The following PRDM16 variants were observed in gnomAD, a reference collection of about 807,000 sequenced individuals.
PRDM16 encodes the protein histone-lysine N-methyltransferase PRDM16.
A neutral mutation model predicts 110.6 loss-of-function variants in PRDM16; 23 were observed. The ratio of observed to expected loss-of-function variants is 0.21; its 90% CI spans 0.15 to 0.29. The LOEUF (loss-of-function observed/expected upper bound fraction) is 0.29. PRDM16 is among the 10% of genes least tolerant of loss of function. The probability of loss-of-function intolerance (pLI) is 1.00; values close to 1 mark genes in which losing one functional copy is unlikely to be tolerated. For missense variants in PRDM16, 1,615 were observed against 1,794.3 expected, an observed-to-expected ratio of 0.90 and a Z score of 1.81; for synonymous variants, 799 against 781.8, an observed-to-expected ratio of 1.02 and a Z score of -0.37.
chr1:3,221,261 G>C (rs1439625005), intron 2 of PRDM16, among the ~76,000 whole-genome samples: 1 of 152,252 alleles, frequency 6.6e-6, no homozygotes, highest in Admixed American at 6.5e-5. Context: ...GAGAGCAGAA[G>C]ACTGGACTCT....
intron 2 of PRDM16, among the ~76,000 whole-genome samples, chr1:3,186,943 G>T (rs1644276080): frequency 6.6e-6 from 1 of 152,202 alleles, no homozygotes; most frequent in Non-Finnish European, 1.5e-5. Context: ...TCAGCCAGTG[G>T]CCTAAGAGCA....
chr1:3,276,845 C>A (rs1423061986), intron 3 of PRDM16, among the ~76,000 whole-genome samples: 1 of 152,216 alleles, frequency 6.6e-6, no homozygotes, highest in African/African-American at 2.4e-5. Flanking sequence ...GACCCTGAGG[C>A]CAACCTAGTG....
chr1:3,286,514 A>G (rs1263944113), intron 3 of PRDM16, among the ~76,000 whole-genome samples: 8 of 151,962 alleles, frequency 5.3e-5, no homozygotes, highest in Non-Finnish European at 1.0e-4. Flanking sequence ...CTCCTCACCA[A>G]CTGGACCCAA....
Position 3,255,878 on chromosome 1 carries a change from G to A in PRDM16, c.438+11741G>A, listed in dbSNP as rs958010473. Reference sequence around the variant, plus strand: ...GACACCCGAAGCCAACCCCGTGGCCGCACTGACACCCGAAGCCAACCCCGT... The same window carrying A: ...GACACCCGAAGCCAACCCCGTGGCCACACTGACACCCGAAGCCAACCCCGT... On this transcript the variant is annotated intron_variant, in intron 3 of 16. Coordinates refer to ENST00000270722, the MANE Select transcript of PRDM16 (RefSeq NM_022114.4). This position sits in a 1 kb window ranked among gnomAD's most constrained non-coding sequence, Gnocchi z 4.7. Among the ~76,000 whole-genome samples the A allele has an allele frequency of 6.8e-6, 1 of 147,420 alleles. No individual in the cohort carries two copies. Among genetic ancestry groups the A allele is most frequent in the African/African-American group, 2.5e-5 (1 of 39,778 alleles).
chr1:3,244,102 G>C lies in PRDM16; in HGVS notation c.403G>C (p.Val135Leu), dbSNP rs372159539. The C allele has an allele frequency of 3.1e-6, 5 of 1,613,972 alleles. No individual in the cohort carries two copies. Among genetic ancestry groups the C allele is most frequent in the Non-Finnish European group, 4.2e-6 (5 of 1,180,008 alleles). The change falls in exon 3 of 17, where the codon GTG (valine) becomes CTG (leucine). Residue 135 changes from valine (V) to leucine (L), a missense_variant. Val to Leu is a conservative substitution (Grantham distance 32). Coordinates refer to ENST00000270722, the MANE Select transcript of PRDM16 (RefSeq NM_022114.4). This position sits in a 1 kb window ranked among gnomAD's most constrained non-coding sequence, Gnocchi z 4.1. ...TGTTTTGCAGCAAATACTGACGGAC[G>C]TGGAAGTGTCGCCCCAGGAAGGCTG... Reference protein sequence around the residue: ...DFGWEQILTDVEVSPQEGCIT... With the variant: ...DFGWEQILTDLEVSPQEGCIT...
At chr1:3,210,724 T>C (rs943397820) in intron 2 of PRDM16, among the ~76,000 whole-genome samples, 3 of 152,242 alleles carry the variant, frequency 2.0e-5, no homozygotes, top group African/African-American at 4.8e-5. Flanking sequence ...TCACAAGATA[T>C]ACATCCACTT....
chr1:3,129,966 AAGCGTTGATGGGCCAAGGCGACC>A (rs1481954167), intron 1 of PRDM16, among the ~76,000 whole-genome samples: 1 of 152,072 alleles, frequency 6.6e-6, no homozygotes, highest in Non-Finnish European at 1.5e-5. Flanking sequence ...GGGCATCCAA[AAGCGTTGATGGGCCAAGGCGACC>A]AGCTGGGCTG....
At chr1:3,241,568 G>A (rs1639675647) in intron 2 of PRDM16, among the ~76,000 whole-genome samples, 1 of 152,226 alleles carries the variant, frequency 6.6e-6, no homozygotes, top group Non-Finnish European at 1.5e-5. Context: ...CGGTGTTGGA[G>A]CATCCGTCTC....
intron 2 of PRDM16, among the ~76,000 whole-genome samples, chr1:3,223,087 G>A (rs1307296932): frequency 1.4e-5 from 2 of 147,878 alleles, no homozygotes; most frequent in Non-Finnish European, 3.0e-5. Flanking sequence ...TGCCTCCGCC[G>A]TGGCCAAAAT....
At chr1:3,115,841 G>T (rs1472016880) in intron 1 of PRDM16, among the ~76,000 whole-genome samples, 3 of 152,202 alleles carry the variant, frequency 2.0e-5, no homozygotes, top group Non-Finnish European at 4.4e-5. Context: ...GTTCTACCTG[G>T]CTCTGCCCAC....
intron 3 of PRDM16, among the ~76,000 whole-genome samples, chr1:3,288,510 G>A (rs183363144): frequency 1.1e-3 from 173 of 152,282 alleles, no homozygotes; most frequent in Middle Eastern, 6.8e-3. Context: ...GTTGAGACCT[G>A]AGCCTGTGGC....
intron 1 of PRDM16, among the ~76,000 whole-genome samples, chr1:3,072,901 C>T (rs577163275): frequency 1.3e-5 from 2 of 152,396 alleles, no homozygotes; most frequent in South Asian, 2.1e-4. Context: ...CAGCCCCTGG[C>T]TGCGCAGGTG....
intron 1 of PRDM16, among the ~76,000 whole-genome samples, chr1:3,169,400 A>C (rs1643998799): frequency 6.6e-6 from 1 of 152,008 alleles, no homozygotes; most frequent in South Asian, 2.1e-4. Context: ...GACTCTCCTC[A>C]GGGCCGGGGG....
At chr1:3,421,395 T>G (rs1638422789) in intron 12 of PRDM16, among the ~76,000 whole-genome samples, 1 of 152,224 alleles carries the variant, frequency 6.6e-6, no homozygotes, top group Non-Finnish European at 1.5e-5. Flanking sequence ...CAGGCTACCC[T>G]GCACGTTCTC....
Position 3,186,060 on chromosome 1 carries a change from C to A in PRDM16, c.38-65C>A, listed in dbSNP as rs926544554. ...CATTGATGCCCGAGTCCCCGGCGCT[C>A]CCTGAGCTGTACACACTGGGTGGGG... On this transcript the variant is annotated intron_variant, in intron 1 of 16. Coordinates refer to ENST00000270722, the MANE Select transcript of PRDM16 (RefSeq NM_022114.4). The A allele has an allele frequency of 6.4e-5, 90 of 1,401,734 alleles. 2 individuals carry two copies. In the South Asian group the frequency reaches 8.3e-4, roughly 13 times the overall value. 86.8% of individuals were successfully genotyped at this position (1,401,734 alleles called of 1,614,324 possible). A position where few individuals can be genotyped will look rare whatever the true frequency, so the allele number is the denominator to read the frequency against.
chr1:3,224,843 G>A (rs1174548128), intron 2 of PRDM16, among the ~76,000 whole-genome samples: 1 of 152,232 alleles, frequency 6.6e-6, no homozygotes, highest in Non-Finnish European at 1.5e-5. Context: ...AAGAGCTCTG[G>A]GAAGGACTAT....
intron 3 of PRDM16, among the ~76,000 whole-genome samples, chr1:3,289,603 C>G (rs1184645252): frequency 6.6e-6 from 1 of 152,222 alleles, no homozygotes; most frequent in Non-Finnish European, 1.5e-5. Context: ...ATTAGCAAGG[C>G]CTGCGGGCAG....
At chr1:3,240,830 C>G (rs1433871318) in intron 2 of PRDM16, among the ~76,000 whole-genome samples, 1 of 152,254 alleles carries the variant, frequency 6.6e-6, no homozygotes, top group Non-Finnish European at 1.5e-5. Flanking sequence ...GAGGTTCTGA[C>G]CAACCCCACT....
chr1:3,270,927 G>A (rs557066632), intron 3 of PRDM16, among the ~76,000 whole-genome samples: 22 of 152,056 alleles, frequency 1.4e-4, no homozygotes, highest in African/African-American at 4.1e-4. Flanking sequence ...CAGTGGGGGA[G>A]GACGGCAGTT....
Sources: gnomAD v4.1 joint callset for allele counts (sites outside exome capture counted in the v4.1 genomes callset) on GRCh38, gnomAD v4.1.1 for gene constraint, Gnocchi (gnomAD v3.1) non-coding constraint, MANE v1.5 for transcripts, NCBI Gene and HGNC (gene_info 2026-07-23, HGNC 2026-07-21) for gene names.